Variants in WDR62 observed in about 807,000 individuals in gnomAD.
WDR62 encodes the protein WD repeat domain 62, also known as WD repeat-containing protein 62.
In WDR62, 112 loss-of-function variants were observed where a neutral mutation model predicts 160.6. That is an observed-to-expected ratio of 0.70 (90% CI 0.60 to 0.82). The LOEUF is 0.82. WDR62 is among the 40% of genes least tolerant of loss of function. The probability of loss-of-function intolerance (pLI) is 0.00; values close to 1 mark genes in which losing one functional copy is unlikely to be tolerated. For synonymous variants in WDR62, 792 were observed against 815.1 expected (o/e 0.97, Z 0.48); for missense variants, 1,819 against 1,983.8 (o/e 0.92, Z 1.58).
At chr19:36,061,546 G>A (rs1306124267) in intron 3 of WDR62, 1 of 152,262 alleles carries the variant, frequency 6.6e-6, no homozygotes, top group Non-Finnish European at 1.5e-5. Context: ...CTGTGGCAGT[G>A]AGGGGCTGAG....
At chr19:36,094,202 A>AGG in intron 20 of WDR62, 38 bp downstream of exon 20, 1 of 1,609,004 alleles carries the variant, frequency 6.2e-7, no homozygotes, top group Non-Finnish European at 8.5e-7. Flanking sequence ...ATGTCAGTGT[A>AGG]GGGAATCATT....
At chr19:36,104,042 A>T in intron 30 of WDR62, 61 bp downstream of exon 30, 1 of 1,588,596 alleles carries the variant, frequency 6.3e-7, no homozygotes, top group Non-Finnish European at 8.5e-7. Flanking sequence ...TAGTTGGCTC[A>T]GCTCCAAAGA....
Position 36,102,739 on chromosome 19 carries a change from C to T in WDR62, c.3223C>T (p.Leu1075Phe). The change falls in exon 27 of 32, where the codon CTC becomes TTC. Residue 1075 changes from leucine (L) to phenylalanine (F), a missense_variant and splice_region_variant. Around this residue, in one of 3 missense-constraint regions of WDR62, gnomAD observed 770 missense variants for 734.2 expected, o/e 1.05. Transcript: ENST00000401500. ...GTCCCCTCGGGATCTTCCCCTAGAG[C>T]TCTTCCCCGCAGCTCTGGGAGACGT... ...ETLTESPCRE[L>F]FPAALGDVEA... 6.2e-7 allele frequency: 1 copy of T among 1,614,112 alleles called. No homozygotes were observed. Among genetic ancestry groups the T allele is most frequent in the Non-Finnish European group, 8.5e-7 (1 of 1,179,924 alleles).
In WDR62 at chr19:36,055,147, G is replaced by A. The variant is rs374094824; in HGVS notation, c.176G>A (p.Arg59Gln). The part of the protein sequence containing the change: ...STASEETVQN[R>Q]VSLEKVLGIT... ...GCCTCCGAGGAGACGGTGCAGAACC[G>A]GGTGAGAAGCTGCTCGCCATGTCTA... The change falls in exon 1 of 32, where the codon CGG (arginine) becomes CAG (glutamine). Residue 59 changes from arginine (R) to glutamine (Q), a missense_variant and splice_region_variant. Around this residue, in one of 3 missense-constraint regions of WDR62, gnomAD observed 115 missense variants for 92.4 expected, o/e 1.24. Coordinates refer to ENST00000401500, the MANE Select transcript of WDR62 (RefSeq NM_001083961.2). 1.2e-6 allele frequency: 2 copies of A among 1,607,410 alleles called. No homozygotes were observed. Among genetic ancestry groups the A allele is most frequent in the Non-Finnish European group, 1.7e-6 (2 of 1,177,852 alleles).
intron 9 of WDR62, among the ~76,000 whole-genome samples, chr19:36,077,044 G>A (rs1971610309): frequency 2.0e-5 from 3 of 151,788 alleles, no homozygotes; most frequent in African/African-American, 7.3e-5. Flanking sequence ...ATTTTAAATT[G>A]TACCATTTGG....
chr19:36,060,428 T>G, intron 3 of WDR62: 1 of 226,364 alleles, frequency 4.4e-6, no homozygotes, highest in East Asian at 9.7e-5. Context: ...TAAGAAGCTG[T>G]AGGGAGAGCG....
chr19:36,065,902 G>A (rs1970911083), intron 3 of WDR62, 56 bp from the exon 4 acceptor site: 1 of 1,568,456 alleles, frequency 6.4e-7, no homozygotes, highest in Non-Finnish European at 8.8e-7. Flanking sequence ...GCCAGGATGG[G>A]GTCTGGCTGG....
Position 36,066,390 on chromosome 19 carries a change from A to G in WDR62, c.524A>G (p.Tyr175Cys). Reference sequence around the variant, plus strand: ...ATGAAGCACATCGTGTCCATGGGCTACCAACATGACATGGTGCTCAACGTC... The same window carrying G: ...ATGAAGCACATCGTGTCCATGGGCTGCCAACATGACATGGTGCTCAACGTC... ...PNMKHIVSMG[Y>C]QHDMVLNVWD... The change falls in exon 5 of 32, where the codon TAC (tyrosine) becomes TGC (cysteine). Residue 175 changes from tyrosine to cysteine, a missense_variant. Around this residue, in one of 3 missense-constraint regions of WDR62, gnomAD observed 934 missense variants for 1,157.2 expected, o/e 0.81. Transcript: ENST00000401500. The G allele has an allele frequency of 6.2e-7, 1 of 1,611,748 alleles. No individual in the cohort carries two copies. Among genetic ancestry groups the G allele is most frequent in the Non-Finnish European group, 8.5e-7 (1 of 1,178,920 alleles).
At chr19:36,077,689 C>T (rs958486652) in intron 9 of WDR62, among the ~76,000 whole-genome samples, 2 of 152,018 alleles carry the variant, frequency 1.3e-5, no homozygotes, top group Non-Finnish European at 2.9e-5. Flanking sequence ...CTCCACCTCC[C>T]GAGTTAAGCT....
chr19:36,068,804 C>T (rs908780935), intron 7 of WDR62, among the ~76,000 whole-genome samples: 9 of 152,222 alleles, frequency 5.9e-5, no homozygotes, highest in African/African-American at 1.9e-4. Context: ...TTTTCCCCAC[C>T]TTTCCCCCTT....
At chr19:36,072,703 G>A (rs933012240) in intron 8 of WDR62, among the ~76,000 whole-genome samples, 5 of 152,108 alleles carry the variant, frequency 3.3e-5, no homozygotes, top group East Asian at 1.9e-4. Flanking sequence ...AGGAGGGGGC[G>A]AGCAACCCAC....
intron 3 of WDR62, among the ~76,000 whole-genome samples, chr19:36,065,560 T>C (rs552561017): frequency 6.6e-6 from 1 of 152,364 alleles, no homozygotes; most frequent in East Asian, 1.9e-4. Context: ...CTTGATGTGA[T>C]GCCTGCCAGG....
intron 30 of WDR62, among the ~76,000 whole-genome samples, chr19:36,104,256 GAC>G (rs1230361361): frequency 6.6e-6 from 1 of 152,224 alleles, no homozygotes; most frequent in Non-Finnish European, 1.5e-5. Context: ...ATCACGAAGT[GAC>G]ACATGCTTAG....
Position 36,103,468 on chromosome 19 carries a change from A to C in WDR62, c.3640A>C (p.Thr1214Pro), listed in dbSNP as rs765509923. The change falls in exon 30 of 32, where the codon ACC (threonine) becomes CCC (proline). Residue 1214 changes from threonine (T) to proline (P), a missense_variant. Transcript: ENST00000401500. ...GGCTCAGGGTGTCCATGCCCCCTCC[A>C]CCTGTTCCTACATGGAGGCCACTGC... ...GLAQGVHAPS[T>P]CSYMEATASS... 6.2e-7 allele frequency: 1 copy of C among 1,613,548 alleles called. No homozygotes were observed. The highest frequency in any genetic ancestry group is 1.3e-5 in the African/African-American group (1 of 74,810).
chr19:36,073,586 A>T, intron 9 of WDR62, 55 bp downstream of exon 9: 2 of 1,383,184 alleles, frequency 1.4e-6, no homozygotes, highest in Non-Finnish European at 2.0e-6. Context: ...AGTTCCCCAC[A>T]GTTTGGGAAC....
chr19:36,064,774 T>G (rs955900998), intron 3 of WDR62, among the ~76,000 whole-genome samples: 1 of 151,810 alleles, frequency 6.6e-6, no homozygotes, highest in Non-Finnish European at 1.5e-5. Flanking sequence ...GGTGGGGTTT[T>G]GTCGTGTTGG....
intron 9 of WDR62, among the ~76,000 whole-genome samples, chr19:36,077,912 G>A (rs1971669605): frequency 6.6e-6 from 1 of 151,906 alleles, no homozygotes. Context: ...TTCCTTATAA[G>A]TGAAATCATA....
At chr19:36,066,545 A>C in intron 5 of WDR62, 118 bp downstream of exon 5, 1 of 1,138,042 alleles carries the variant, frequency 8.8e-7, no homozygotes, top group Non-Finnish European at 1.3e-6. Context: ...CCAACAGATA[A>C]CAGCTATTGA....
intron 9 of WDR62, among the ~76,000 whole-genome samples, chr19:36,078,914 T>C (rs1260930154): frequency 2.0e-5 from 3 of 151,588 alleles, no homozygotes; most frequent in Non-Finnish European, 2.9e-5. Context: ...TTTTTTTTTT[T>C]TTTCTTTTTT....
Sources: allele counts gnomAD v4.1 joint callset (sites outside exome capture counted in the v4.1 genomes callset), GRCh38; gene constraint gnomAD v4.1.1; regional missense constraint gnomAD v4.1.1; transcripts MANE v1.5; gene names NCBI Gene and HGNC (gene_info 2026-07-23, HGNC 2026-07-21).